Variants in FSTL4 observed in about 807,000 individuals in gnomAD.
The protein encoded by FSTL4 is follistatin like 4.
FSTL4 carries 28 observed loss-of-function variants against 78.2 expected under a neutral mutation model. The observed-to-expected ratio is 0.36, with a 90% CI of 0.27 to 0.49. The LOEUF is 0.49. FSTL4 is among the 20% of genes least tolerant of loss of function. The pLI is 0.98. For synonymous variants in FSTL4, 422 were observed against 440.5 expected (o/e 0.96, Z 0.53); for missense variants, 922 against 1,084.9 (o/e 0.85, Z 2.11).
chr5:133,488,578 T>G (rs1429741026), intron 3 of FSTL4, among the ~76,000 whole-genome samples: 3 of 152,226 alleles, frequency 2.0e-5, no homozygotes, highest in African/African-American at 7.2e-5. Flanking sequence ...TGGTAAGAAA[T>G]CTACACAGAT....
intron 2 of FSTL4, among the ~76,000 whole-genome samples, chr5:133,578,656 TAGATATCATTTAAAGCTTTATGCTAA>T (rs1408810434): frequency 6.6e-6 from 1 of 152,282 alleles, no homozygotes; most frequent in Non-Finnish European, 1.5e-5. Flanking sequence ...TTTTAAATTC[TAGATATCATTTAAAGCTTTATGCTAA>T]AGGTTATTCA....
chr5:133,707,626 AG>A, the FSTL4 span, among the ~76,000 whole-genome samples: 1 of 152,140 alleles, frequency 6.6e-6, no homozygotes, highest in Non-Finnish European at 1.5e-5. Flanking sequence ...TCCTTTTCTC[AG>A]CCTCAAGGAT....
the FSTL4 span, among the ~76,000 whole-genome samples, chr5:133,708,821 G>A: frequency 6.6e-6 from 1 of 152,210 alleles, no homozygotes; most frequent in African/African-American, 2.4e-5. Flanking sequence ...GTCTTCCTGA[G>A]ATGGGGTTGG....
rs191943645 is a variant in FSTL4 at position 133,561,194 on chromosome 5, T to C, written c.160+5992A>G. Among the ~76,000 whole-genome samples the C allele has an allele frequency of 2.6e-5, 4 of 151,470 alleles. No individual in the cohort carries two copies. In the East Asian group the frequency reaches 7.7e-4, roughly 29 times the overall value. On this transcript the variant is annotated intron_variant, in intron 3 of 15. Coordinates refer to ENST00000265342, the MANE Select transcript of FSTL4 (RefSeq NM_015082.2). ...ACATCCAGAGTCTCATGAACACATC[T>C]TGGAGACAGAAGAATGAACTGGCTT... is the stretch of plus-strand genomic sequence containing the variant.
chr5:133,825,749 C>A, the FSTL4 span, among the ~76,000 whole-genome samples: 2 of 152,208 alleles, frequency 1.3e-5, no homozygotes, highest in African/African-American at 4.8e-5. Context: ...CGGAGGATGT[C>A]CCAGGTTGGT....
chr5:133,593,486 T>C (rs1760673721), intron 2 of FSTL4, among the ~76,000 whole-genome samples: 1 of 152,092 alleles, frequency 6.6e-6, no homozygotes, highest in South Asian at 2.1e-4. Context: ...ATGTCCATCC[T>C]ATGCAGGTGA....
chr5:133,354,591 T>C (rs988253484), intron 4 of FSTL4, among the ~76,000 whole-genome samples: 62 of 152,302 alleles, frequency 4.1e-4, no homozygotes, highest in African/African-American at 1.5e-3. Context: ...CGTAAGCTCC[T>C]TGTGAACAGA....
chr5:133,235,404 TAGG>T (rs1201022763), intron 7 of FSTL4, among the ~76,000 whole-genome samples: 2 of 147,968 alleles, frequency 1.4e-5, no homozygotes, highest in Non-Finnish European at 3.0e-5. Flanking sequence ...GAGGCTGAGG[TAGG>T]AGAATTGCTT....
In FSTL4 at chr5:133,421,550, C is replaced by T. The variant is rs550530362; in HGVS notation, c.161-20564G>A. On this transcript the variant is annotated intron_variant, in intron 3 of 15. Transcript: ENST00000265342. ...GCTCTTCGCTTGCCCTTGTGGTGTG[C>T]ATTCCACGGGGTGGCCATTGCCCTA... Among the ~76,000 whole-genome samples, 7 of 152,378 alleles carry T rather than the reference C, an allele frequency of 4.6e-5. No individual in the cohort carries two copies. The East Asian group carries it at 1.3e-3, about 29-fold the overall frequency.
intron 15 of FSTL4, among the ~76,000 whole-genome samples, chr5:133,201,195 T>C (rs1466467621): frequency 6.6e-6 from 1 of 152,250 alleles, no homozygotes; most frequent in Non-Finnish European, 1.5e-5. Flanking sequence ...GGGGTCTTGA[T>C]GGCTTAGAGA....
chr5:133,641,273 A>ACACACACAC, the FSTL4 span, among the ~76,000 whole-genome samples: 1 of 151,560 alleles, frequency 6.6e-6, no homozygotes, highest in East Asian at 1.9e-4. Context: ...CAAAAACAAA[A>ACACACACAC]AAAAACACGT....
chr5:133,473,835 G>C (rs1757874737), intron 3 of FSTL4, among the ~76,000 whole-genome samples: 1 of 152,146 alleles, frequency 6.6e-6, no homozygotes, highest in African/African-American at 2.4e-5. Flanking sequence ...TGAGTGCAGA[G>C]TGAAGAGGAG....
At chr5:133,516,444 T>C (rs950070756) in intron 3 of FSTL4, among the ~76,000 whole-genome samples, 3 of 152,084 alleles carry the variant, frequency 2.0e-5, no homozygotes, top group African/African-American at 7.2e-5. Context: ...AAAATGTCTA[T>C]AAAATGTGCA....
the FSTL4 span, among the ~76,000 whole-genome samples, chr5:133,779,816 T>C: frequency 1.3e-5 from 2 of 152,164 alleles, no homozygotes; most frequent in Non-Finnish European, 2.9e-5. Context: ...TGCCCATTCC[T>C]GACTCAGGGT....
intron 13 of FSTL4, among the ~76,000 whole-genome samples, chr5:133,215,717 CCTT>C (rs1750885247): frequency 6.6e-6 from 1 of 152,180 alleles, no homozygotes; most frequent in South Asian, 2.1e-4. Context: ...AACCAGCACT[CCTT>C]CTAGAGGTTC....
At chr5:133,704,060 G>C in the FSTL4 span, among the ~76,000 whole-genome samples, 2 of 152,112 alleles carry the variant, frequency 1.3e-5, no homozygotes, top group African/African-American at 4.8e-5. Context: ...GGGGTGGGAG[G>C]GTGGAGGGAC....
At chr5:133,322,305 C>A (rs994279916) in intron 4 of FSTL4, among the ~76,000 whole-genome samples, 1 of 66,798 alleles carries the variant, frequency 1.5e-5, no homozygotes, top group Non-Finnish European at 3.2e-5. Flanking sequence ...CCACACACAC[C>A]CACACCCACA....
intron 3 of FSTL4, among the ~76,000 whole-genome samples, chr5:133,494,329 C>A (rs928136702): frequency 1.3e-4 from 20 of 151,876 alleles, no homozygotes; most frequent in African/African-American, 4.8e-4. Flanking sequence ...TGTTATCCTG[C>A]CTAAGATGAT....
At chr5:133,395,698 A>C (rs1756018193) in intron 4 of FSTL4, among the ~76,000 whole-genome samples, 1 of 151,666 alleles carries the variant, frequency 6.6e-6, no homozygotes, top group South Asian at 2.1e-4. Context: ...CTCTTCCCGG[A>C]GACTGGAGGT....
Sources: allele counts gnomAD v4.1 joint callset (sites outside exome capture counted in the v4.1 genomes callset), GRCh38; gene constraint gnomAD v4.1.1; transcripts MANE v1.5; gene names NCBI Gene and HGNC (gene_info 2026-07-23, HGNC 2026-07-21).